Variants in WWOX observed in about 807,000 individuals in gnomAD.
WWOX encodes the protein WW domain containing oxidoreductase.
WWOX carries 69 observed loss-of-function variants against 46.2 expected under a neutral mutation model. The observed-to-expected ratio is 1.49, with a 90% CI of 1.23 to 1.82. The LOEUF (loss-of-function observed/expected upper bound fraction) is 1.82, where lower values mean the gene tolerates loss of function less well. Ranked by LOEUF, WWOX falls within the 40% of genes most tolerant of loss-of-function variation. WWOX has a pLI of 0.00. For synonymous variants in WWOX, 359 were observed against 202.6 expected (o/e 1.77, Z -6.56); for missense variants, 919 against 542.6 (o/e 1.69, Z -6.89).
intron 5 of WWOX, among the ~76,000 whole-genome samples, chr16:78,368,155 G>C (rs2081584218): frequency 6.6e-6 from 1 of 152,158 alleles, no homozygotes; most frequent in Non-Finnish European, 1.5e-5. Flanking sequence ...CTTTGTAAGG[G>C]CTCAGTAGCG....
intron 8 of WWOX, among the ~76,000 whole-genome samples, chr16:79,190,808 A>G (rs950450861): frequency 2.6e-5 from 4 of 152,202 alleles, no homozygotes; most frequent in African/African-American, 9.6e-5. Flanking sequence ...TACAGTAGCA[A>G]AGTTGAGTAC....
chr16:79,033,060 G>A (rs2047796230), intron 8 of WWOX, among the ~76,000 whole-genome samples: 1 of 150,668 alleles, frequency 6.6e-6, no homozygotes, highest in African/African-American at 2.4e-5. Context: ...TAAGGATAAT[G>A]GCCTCCAGCT....
intron 8 of WWOX, among the ~76,000 whole-genome samples, chr16:79,037,804 A>T (rs1449933131): frequency 6.6e-6 from 1 of 151,898 alleles, no homozygotes; most frequent in Non-Finnish European, 1.5e-5. Flanking sequence ...TTTATCCCCA[A>T]GGTCAGGAGA....
intron 8 of WWOX, among the ~76,000 whole-genome samples, chr16:78,597,523 T>C (rs573700250): frequency 8.5e-5 from 13 of 152,298 alleles, no homozygotes; most frequent in African/African-American, 3.1e-4. Context: ...TGCTTTCTGC[T>C]TTCAGAAACA....
intron 8 of WWOX, among the ~76,000 whole-genome samples, chr16:78,717,994 T>TATAA (rs1555522365): frequency 6.6e-6 from 1 of 151,490 alleles, no homozygotes; most frequent in Non-Finnish European, 1.5e-5. Flanking sequence ...TAAATGTTAA[T>TATAA]AAGCATTTTT....
intron 8 of WWOX, among the ~76,000 whole-genome samples, chr16:78,648,882 T>G (rs755756821): frequency 1.4e-4 from 21 of 152,272 alleles, no homozygotes; most frequent in Non-Finnish European, 2.9e-4. Context: ...TTTGTTTATT[T>G]TTACACTAGC....
At chr16:78,833,143 G>A (rs367981347) in intron 8 of WWOX, among the ~76,000 whole-genome samples, 1 of 151,728 alleles carries the variant, frequency 6.6e-6, no homozygotes, top group Admixed American at 6.6e-5. Context: ...CTAGGCTCAA[G>A]CGATCCTCCA....
At chr16:78,876,413 G>A (rs372644246) in intron 8 of WWOX, among the ~76,000 whole-genome samples, 9 of 151,248 alleles carry the variant, frequency 6.0e-5, no homozygotes, top group African/African-American at 2.2e-4. Flanking sequence ...TGTTATGACA[G>A]AAACTCACCA....
intron 4 of WWOX, among the ~76,000 whole-genome samples, chr16:78,125,848 G>C (rs1428097851): frequency 1.3e-5 from 2 of 152,134 alleles, no homozygotes; most frequent in African/African-American, 2.4e-5. Flanking sequence ...GGCTAGATTA[G>C]CTTGATGTGC....
At chr16:79,069,354 G>T (rs924929235) in intron 8 of WWOX, among the ~76,000 whole-genome samples, 5 of 152,206 alleles carry the variant, frequency 3.3e-5, no homozygotes, top group Non-Finnish European at 7.3e-5. Flanking sequence ...AAAGAGCCCA[G>T]TGATTGGGAA....
chr16:78,677,866 C>T (rs1049002041), intron 8 of WWOX, among the ~76,000 whole-genome samples: 2 of 152,128 alleles, frequency 1.3e-5, no homozygotes, highest in African/African-American at 2.4e-5. Context: ...ATTTCTTAGG[C>T]GTACAATTTC....
At chr16:78,527,464 T>C (rs2043503576) in intron 8 of WWOX, among the ~76,000 whole-genome samples, 1 of 151,982 alleles carries the variant, frequency 6.6e-6, no homozygotes. Context: ...TGGCTAATTT[T>C]TGTATTTTTT....
At chr16:78,923,232 C>T (rs780260457) in intron 8 of WWOX, among the ~76,000 whole-genome samples, 6 of 151,754 alleles carry the variant, frequency 4.0e-5, no homozygotes, top group African/African-American at 9.7e-5. Context: ...CTGCGTAACT[C>T]GGCCTCCCAA....
chr16:78,922,527 C>T (rs2045402901), intron 8 of WWOX, among the ~76,000 whole-genome samples: 1 of 151,906 alleles, frequency 6.6e-6, no homozygotes, highest in African/African-American at 2.4e-5. Context: ...TACAGGCATG[C>T]ACAACAACAC....
At chr16:78,238,324 A>G (rs1313914131) in intron 5 of WWOX, 2 of 152,252 alleles carry the variant, frequency 1.3e-5, no homozygotes, top group Non-Finnish European at 2.9e-5. Context: ...TTTTGAGGCA[A>G]GGTCTCACTT....
At position 78,330,340 on chromosome 16, in the gene WWOX, A is replaced by G. The variant is rs544224979; in HGVS notation, c.517-56520A>G. ...GAAAATTAATATTTCCAACAAGCCA[A>G]AGCTCTATGTAAATGTCCTAAATTA... is the stretch of plus-strand genomic sequence containing the variant. On this transcript the variant is annotated intron_variant, in intron 5 of 8. Coordinates refer to ENST00000566780, the MANE Select transcript of WWOX (RefSeq NM_016373.4). 3.3e-5 allele frequency among the ~76,000 whole-genome samples: 5 copies of G among 152,342 alleles called. No individual in the cohort carries two copies. In the East Asian group the frequency reaches 7.7e-4, roughly 23 times the overall value.
chr16:78,275,899 G>A (rs775407987), intron 5 of WWOX, among the ~76,000 whole-genome samples: 1 of 151,966 alleles, frequency 6.6e-6, no homozygotes, highest in African/African-American at 2.4e-5. Flanking sequence ...GCCTCTTGTC[G>A]AGGAGTGCAC....
intron 8 of WWOX, among the ~76,000 whole-genome samples, chr16:78,583,629 C>T (rs748888684): frequency 2.0e-5 from 3 of 152,142 alleles, no homozygotes; most frequent in Non-Finnish European, 2.9e-5. Flanking sequence ...CCAGTGATAA[C>T]ATAATGATAA....
At chr16:78,753,004 A>G (rs571438489) in intron 8 of WWOX, among the ~76,000 whole-genome samples, 9 of 152,140 alleles carry the variant, frequency 5.9e-5, no homozygotes, top group Middle Eastern at 3.4e-3. Flanking sequence ...GATTTCAGTA[A>G]TCTCTTAGGG....
Sources: gnomAD v4.1 joint callset for allele counts (sites outside exome capture counted in the v4.1 genomes callset) on GRCh38, gnomAD v4.1.1 for gene constraint, MANE v1.5 for transcripts, NCBI Gene and HGNC (gene_info 2026-07-23, HGNC 2026-07-21) for gene names.